The following AKAP19 variants were observed in gnomAD, a reference collection of about 807,000 sequenced individuals.
AKAP19 encodes A-kinase anchoring protein 19.
At chr2:189,986,796 A>C in the AKAP19 span, among the ~76,000 whole-genome samples, 1 of 152,138 alleles carries the variant, frequency 6.6e-6, no homozygotes, top group Non-Finnish European at 1.5e-5. Flanking sequence ...GCATGAGATA[A>C]GACTATGGCT....
At chr2:190,111,596 G>A in the AKAP19 span, among the ~76,000 whole-genome samples, 1 of 152,086 alleles carries the variant, frequency 6.6e-6, no homozygotes. Context: ...GACCAGCCTA[G>A]GTTACCATTT....
At chr2:190,041,103 AGCTTTTGGCAGTAT>A in the AKAP19 span, among the ~76,000 whole-genome samples, 3 of 152,162 alleles carry the variant, frequency 2.0e-5, no homozygotes, top group African/African-American at 4.8e-5. Flanking sequence ...ATTTGTAAAT[AGCTTTTGGCAGTAT>A]AGCTATTTTA....
the AKAP19 span, among the ~76,000 whole-genome samples, chr2:189,990,179 C>T: frequency 2.6e-5 from 4 of 152,148 alleles, no homozygotes. Context: ...GATAGAAATA[C>T]TAAAAGCAGA....
At chr2:190,058,780 C>T in the AKAP19 span, among the ~76,000 whole-genome samples, 2 of 151,892 alleles carry the variant, frequency 1.3e-5, no homozygotes, top group South Asian at 2.1e-4. Context: ...CTTACAAGTG[C>T]GAGCTAAGCT....
the AKAP19 span, among the ~76,000 whole-genome samples, chr2:189,884,850 T>C: frequency 6.6e-6 from 1 of 152,206 alleles, no homozygotes; most frequent in Non-Finnish European, 1.5e-5. Context: ...CTGGTGATGC[T>C]GATGCTGCTG....
chr2:190,081,377 C>T, the AKAP19 span, among the ~76,000 whole-genome samples: 5 of 152,144 alleles, frequency 3.3e-5, no homozygotes, highest in Admixed American at 6.5e-5. Flanking sequence ...TCCTCTCCCT[C>T]CCATACCCTG....
the AKAP19 span, among the ~76,000 whole-genome samples, chr2:190,005,497 C>T: frequency 6.6e-6 from 1 of 152,246 alleles, no homozygotes; most frequent in Admixed American, 6.5e-5. Flanking sequence ...GGCTTCACCT[C>T]TCATTGCCAC....
the AKAP19 span, among the ~76,000 whole-genome samples, chr2:190,189,046 G>A: frequency 6.6e-6 from 1 of 152,178 alleles, no homozygotes; most frequent in Non-Finnish European, 1.5e-5. Flanking sequence ...TTGAAGGCCA[G>A]ATTTGAGAAC....
chr2:189,895,750 G>A, the AKAP19 span, among the ~76,000 whole-genome samples: 1 of 151,942 alleles, frequency 6.6e-6, no homozygotes, highest in African/African-American at 2.4e-5. Context: ...TGAATAGGAA[G>A]GTAACACAAT....
chr2:189,958,781 A>G, the AKAP19 span, among the ~76,000 whole-genome samples: 5 of 152,106 alleles, frequency 3.3e-5, no homozygotes, highest in Non-Finnish European at 1.5e-5. Context: ...AATAAAATGC[A>G]TGAATTACAG....
the AKAP19 span, among the ~76,000 whole-genome samples, chr2:189,986,321 A>G: frequency 6.6e-6 from 1 of 151,986 alleles, no homozygotes; most frequent in Non-Finnish European, 1.5e-5. Context: ...TGTTTGAAAC[A>G]TGAACAATTT....
chr2:189,977,531 T>G, the AKAP19 span, among the ~76,000 whole-genome samples: 1 of 152,214 alleles, frequency 6.6e-6, no homozygotes. Context: ...AAATGATGTT[T>G]TTCTAAAAAA....
the AKAP19 span, among the ~76,000 whole-genome samples, chr2:190,144,652 T>C: frequency 6.6e-6 from 1 of 152,184 alleles, no homozygotes; most frequent in Non-Finnish European, 1.5e-5. Flanking sequence ...GAATACACAC[T>C]GTTTTATTCC....
At chr2:189,962,476 G>A in the AKAP19 span, among the ~76,000 whole-genome samples, 1 of 152,070 alleles carries the variant, frequency 6.6e-6, no homozygotes. Context: ...TCATGATAAA[G>A]GAAGAAATGT....
At chr2:190,027,804 C>T in the AKAP19 span, among the ~76,000 whole-genome samples, 1 of 152,104 alleles carries the variant, frequency 6.6e-6, no homozygotes, top group Non-Finnish European at 1.5e-5. Flanking sequence ...TGGTAGCTTG[C>T]TTTTCTCAGA....
the AKAP19 span, chr2:189,930,286 C>T: frequency 8.8e-6 from 5 of 569,578 alleles, no homozygotes; most frequent in East Asian, 3.4e-4. Flanking sequence ...AGGTTGAAAG[C>T]AGTGCTGCAT....
At chr2:190,059,927 G>A in the AKAP19 span, 1 of 813,806 alleles carries the variant, frequency 1.2e-6, no homozygotes, top group Admixed American at 2.2e-5. Flanking sequence ...ATTGGGTACA[G>A]GGCTACCGTT....
the AKAP19 span, among the ~76,000 whole-genome samples, chr2:189,914,506 G>A: frequency 6.6e-6 from 1 of 152,072 alleles, no homozygotes; most frequent in Admixed American, 6.5e-5. Flanking sequence ...AGCTAAATAG[G>A]AAATTATGGC....
At chr2:190,134,100 T>G in the AKAP19 span, among the ~76,000 whole-genome samples, 1 of 152,116 alleles carries the variant, frequency 6.6e-6, no homozygotes, top group Non-Finnish European at 1.5e-5. Flanking sequence ...TATATATATT[T>G]TGTGTGAATT....
Sources: allele counts gnomAD v4.1 joint callset (sites outside exome capture counted in the v4.1 genomes callset), GRCh38; gene constraint gnomAD v4.1.1; transcripts MANE v1.5; gene names NCBI Gene and HGNC (gene_info 2026-07-23, HGNC 2026-07-21).